TDRD1: variants seen among roughly 807,000 people sequenced by gnomAD.
TDRD1 encodes the protein tudor domain containing 1.
A neutral mutation model predicts 140.6 loss-of-function variants in TDRD1; 37 were observed. That is an observed-to-expected ratio of 0.26 (90% CI 0.20 to 0.35). The LOEUF is 0.35. Among genes scored for constraint, TDRD1 ranks in the 10% least tolerant of loss-of-function variants. The pLI is 1.00. For missense variants in TDRD1, 1,243 were observed against 1,393.0 expected (o/e 0.89, Z 1.71); for synonymous variants, 506 against 475.7 (o/e 1.06, Z -0.83).
chr10:114,210,883 T>A (rs1316877028), exon 13 of TDRD1: 1 of 1,614,164 alleles, frequency 6.2e-7, no homozygotes, highest in Non-Finnish European at 8.5e-7. Flanking sequence ...ACTTCAGGCA[T>A]CCCTTAGCAA....
chr10:114,189,569 A>G (rs1406645050), intron 2 of TDRD1, among the ~76,000 whole-genome samples: 1 of 152,160 alleles, frequency 6.6e-6, no homozygotes, highest in East Asian at 1.9e-4. Flanking sequence ...TTCTGGTGAG[A>G]TGCATGATGA....
At chr10:114,212,433 G>T (rs2035544656) in intron 14 of TDRD1, among the ~76,000 whole-genome samples, 1 of 152,102 alleles carries the variant, frequency 6.6e-6, no homozygotes, top group East Asian at 1.9e-4. Context: ...TCCAGAAAGG[G>T]TTGACCTAGT....
At position 114,220,859 on chromosome 10, in the gene TDRD1, C is replaced by T. The variant is rs748375421; in HGVS notation, c.2770+16C>T. The T allele has an allele frequency of 3.8e-6, 6 of 1,566,568 alleles. No individual in the cohort carries two copies. Among genetic ancestry groups the T allele is most frequent in the Admixed American group, 3.6e-5 (2 of 55,600 alleles). ...GGACTTCAAGGTAACATTTTAAAACCATTTATTTGTTTAAATTTGTTATTC... is the reference window on the plus strand; with the variant it reads ...GGACTTCAAGGTAACATTTTAAAACTATTTATTTGTTTAAATTTGTTATTC... On this transcript the variant is annotated intron_variant, in intron 19 of 25. Coordinates refer to ENST00000251864, the Ensembl canonical transcript of TDRD1.
chr10:114,190,408 ACTG>A (rs1029563971), intron 2 of TDRD1, among the ~76,000 whole-genome samples: 1 of 152,212 alleles, frequency 6.6e-6, no homozygotes, highest in Non-Finnish European at 1.5e-5. Context: ...AAATTTGAGA[ACTG>A]CTGCCTTAGT....
chr10:114,212,494 T>G (rs1437688145), intron 14 of TDRD1, among the ~76,000 whole-genome samples: 1 of 152,166 alleles, frequency 6.6e-6, no homozygotes, highest in Non-Finnish European at 1.5e-5. Flanking sequence ...TACACATTGG[T>G]GCATCAAAGG....
intron 1 of TDRD1, among the ~76,000 whole-genome samples, chr10:114,186,937 A>G (rs1236138767): frequency 6.6e-6 from 1 of 152,094 alleles, no homozygotes; most frequent in East Asian, 1.9e-4. Context: ...TTTAGATATT[A>G]CTCATGCCAG....
Position 114,214,041 on chromosome 10 carries a change from C to T in TDRD1, c.2139C>T (p.Asp713=), listed in dbSNP as rs772790611. The T allele has an allele frequency of 3.1e-6, 5 of 1,613,346 alleles. No individual in the cohort carries two copies. The Admixed American group carries it at 5.0e-5, about 16-fold the overall frequency. ...GGACATGGGTTGAACTTGGTGTTGA[C>T]CAAACAGTAGATGTTGTGGTCTGTG... is the stretch of plus-strand genomic sequence containing the variant. Residue 713 remains aspartate, a synonymous_variant, in exon 16 of 26, where the codon GAC becomes GAT. Coordinates refer to ENST00000251864, the Ensembl canonical transcript of TDRD1.
rs1163673185 is a variant in TDRD1 at position 114,206,343 on chromosome 10, T to A, written c.1384+13T>A. 2 of 1,608,160 alleles carry A rather than the reference T, an allele frequency of 1.2e-6. No homozygotes were observed. Among genetic ancestry groups the A allele is most frequent in the African/African-American group, 2.7e-5 (2 of 74,788 alleles). ...AATGCAGATCAAAGTGAGTATAGAT[T>A]GATATTGAACGGTATAGCGACTTCA... On this transcript the variant is annotated intron_variant, in intron 11 of 25. Coordinates refer to ENST00000251864, the Ensembl canonical transcript of TDRD1.
At chr10:114,203,302 T>G in intron 7 of TDRD1, 86 bp from the exon 8 acceptor site, 2 of 1,520,068 alleles carry the variant, frequency 1.3e-6, no homozygotes, top group Non-Finnish European at 8.9e-7. Flanking sequence ...TACAATGCTG[T>G]TTGTGTCTTA....
chr10:114,203,309 C>T lies in TDRD1; in HGVS notation c.802-79C>T, dbSNP rs996310040. Reference sequence around the variant, plus strand: ...AAACTGCCTACAATGCTGTTTGTGTCTTAGTTACAAAGCTTTAAGAAATTT... The same window carrying T: ...AAACTGCCTACAATGCTGTTTGTGTTTTAGTTACAAAGCTTTAAGAAATTT... On this transcript the variant is annotated intron_variant, in intron 7 of 25. Coordinates refer to ENST00000251864, the Ensembl canonical transcript of TDRD1. 3 of 1,523,526 alleles carry T rather than the reference C, an allele frequency of 2.0e-6. No individual in the cohort carries two copies. In the African/African-American group the frequency reaches 4.2e-5, roughly 21 times the overall value. The allele number at this position is 1,523,526 out of a possible 1,614,324, so 94.4% of individuals were successfully genotyped here.
At chr10:114,186,412 C>T (rs1463795157) in intron 1 of TDRD1, among the ~76,000 whole-genome samples, 4 of 151,962 alleles carry the variant, frequency 2.6e-5, no homozygotes, top group Non-Finnish European at 4.4e-5. Context: ...TACAGGCACC[C>T]GCCACCACGC....
At position 114,199,180 on chromosome 10, in the gene TDRD1, G is replaced by C. The variant is rs770442041; in HGVS notation, c.392G>C (p.Gly131Ala). 5.0e-6 allele frequency: 8 copies of C among 1,609,138 alleles called. No homozygotes were observed. The highest frequency in any genetic ancestry group is 3.3e-4 in the Middle Eastern group (2 of 6,040). ...CTTCTTTGTTCTTAATAGAAGCCTG[G>C]AAATAATGTACGTCCTGCAAAATCA... is the stretch of plus-strand genomic sequence containing the variant. The change falls in exon 4 of 26, where the codon GGA becomes GCA. Residue 131 changes from glycine (G) to alanine (A), a missense_variant. This residue lies in a region of TDRD1 where 237 missense variants were observed against 215.5 expected (regional missense o/e 1.10). Transcript: ENST00000251864.
intron 15 of TDRD1, 33 bp from the exon 16 acceptor site, chr10:114,213,944 C>T (rs977394537): frequency 6.2e-7 from 1 of 1,612,430 alleles, no homozygotes; most frequent in South Asian, 1.1e-5. Context: ...CCCTCCTCCA[C>T]TATGTCCATT....
exon 8 of TDRD1, chr10:114,203,418 G>A: frequency 6.2e-7 from 1 of 1,610,858 alleles, no homozygotes. Flanking sequence ...ACACCCAGGG[G>A]ACTTCTACGT....
chr10:114,231,658 G>A, exon 26 of TDRD1: 1 of 588,854 alleles, frequency 1.7e-6, no homozygotes, highest in Non-Finnish European at 2.9e-6. Flanking sequence ...TCTCCTATTA[G>A]GTTGGTGGTT....
intron 14 of TDRD1, among the ~76,000 whole-genome samples, chr10:114,212,565 C>A (rs545809059): frequency 6.6e-6 from 1 of 152,176 alleles, no homozygotes; most frequent in East Asian, 1.9e-4. Context: ...AATTTCAATT[C>A]GCCTCATTAC....
At chr10:114,205,828 T>C (rs1564950134) in intron 10 of TDRD1, among the ~76,000 whole-genome samples, 1 of 152,142 alleles carries the variant, frequency 6.6e-6, no homozygotes, top group Non-Finnish European at 1.5e-5. Context: ...GTGACTGTAG[T>C]CAATAATAAT....
chr10:114,204,008 G>A, intron 8 of TDRD1, 65 bp from the exon 9 acceptor site: 1 of 1,552,118 alleles, frequency 6.4e-7, no homozygotes, highest in Non-Finnish European at 8.7e-7. Context: ...ATTGATTGAG[G>A]GTTTTTTAAT....
In TDRD1 at chr10:114,214,051, G is replaced by C. The variant is rs776951460; in HGVS notation, c.2149G>C (p.Asp717His). 2.4e-5 allele frequency: 39 copies of C among 1,611,866 alleles called. No individual in the cohort carries two copies. The highest frequency in any genetic ancestry group is 1.6e-4 in the Middle Eastern group (1 of 6,082). ...TGAACTTGGTGTTGACCAAACAGTA[G>C]ATGTTGTGGTCTGTGTGATATATAG... Residue 717 changes from aspartate to histidine, a missense_variant, in exon 16 of 26, where the codon GAT (aspartate) becomes CAT (histidine). Asp to His is a moderately conservative substitution (Grantham distance 81). Around this residue, in one of 5 missense-constraint regions of TDRD1, gnomAD observed 601 missense variants for 734.7 expected, o/e 0.82. Coordinates refer to ENST00000251864, the Ensembl canonical transcript of TDRD1.
Sources: gnomAD v4.1 joint callset for allele counts (sites outside exome capture counted in the v4.1 genomes callset) on GRCh38, gnomAD v4.1.1 for gene constraint, gnomAD v4.1.1 regional missense constraint, MANE v1.5 for transcripts, NCBI Gene and HGNC (gene_info 2026-07-23, HGNC 2026-07-21) for gene names.